TET3: variants seen among roughly 807,000 people sequenced by gnomAD.
TET3 encodes methylcytosine dioxygenase TET3.
A neutral mutation model predicts 141.4 loss-of-function variants in TET3; 19 were observed. That is an observed-to-expected ratio of 0.13 (90% CI 0.09 to 0.20). The LOEUF (loss-of-function observed/expected upper bound fraction) is 0.20. Ranked by LOEUF, TET3 falls within the 10% of genes least tolerant of loss-of-function variation. TET3 has a pLI of 1.00. For missense variants in TET3, 1,874 were observed against 2,356.9 expected, an observed-to-expected ratio of 0.80 and a Z score of 4.24; for synonymous variants, 1,043 against 980.9, an observed-to-expected ratio of 1.06 and a Z score of -1.18.
chr2:74,040,541 A>G (rs1687287564), intron 3 of TET3, among the ~76,000 whole-genome samples: 1 of 152,168 alleles, frequency 6.6e-6, no homozygotes. Flanking sequence ...GTTTTAGACA[A>G]GCTGACTCTC....
chr2:74,124,549 G>A, the TET3 span, among the ~76,000 whole-genome samples: 1 of 152,236 alleles, frequency 6.6e-6, no homozygotes, highest in Non-Finnish European at 1.5e-5. Flanking sequence ...GTAGAAAGTA[G>A]ACATGGGAGA....
intron 3 of TET3, among the ~76,000 whole-genome samples, chr2:74,021,697 G>A (rs974742803): frequency 6.6e-6 from 1 of 152,124 alleles, no homozygotes; most frequent in Non-Finnish European, 1.5e-5. Context: ...GTGGGACCTG[G>A]GAATCTGCAT....
chr2:74,059,712 A>G (rs958304701), intron 4 of TET3, among the ~76,000 whole-genome samples: 1 of 151,956 alleles, frequency 6.6e-6, no homozygotes, highest in South Asian at 2.1e-4. Context: ...GTGCCTGGCT[A>G]ATTTGTAAAT....
intron 2 of TET3, chr2:73,998,400 C>G (rs1684698176): frequency 6.6e-6 from 1 of 152,360 alleles, no homozygotes. Flanking sequence ...GCCTGGGAGG[C>G]CCTGGATGCA....
chr2:74,020,355 T>C (rs948594169), intron 3 of TET3, among the ~76,000 whole-genome samples: 2 of 152,186 alleles, frequency 1.3e-5, no homozygotes, highest in Admixed American at 6.5e-5. Context: ...AGCTATTCTT[T>C]GTATTTTTTT....
the TET3 span, among the ~76,000 whole-genome samples, chr2:74,127,555 G>T: frequency 3.9e-5 from 6 of 152,092 alleles, no homozygotes; most frequent in South Asian, 1.2e-3. Context: ...TTAAAATCCA[G>T]CCATCCTATA....
the TET3 span, among the ~76,000 whole-genome samples, chr2:74,114,636 G>C: frequency 6.6e-6 from 1 of 151,912 alleles, no homozygotes; most frequent in Non-Finnish European, 1.5e-5. Context: ...TAGATGACTT[G>C]AGGTCAGGAG....
chr2:74,104,836 G>A lies in TET3; in HGVS notation c.*2660G>A, dbSNP rs1043160211. ...TCATCAGTTTCTGCAGTAGGAGATA[G>A]GCTGCTGAGAGGTGAGTCAAGAGGC... On this transcript the variant is annotated 3_prime_UTR_variant, in exon 12 of 12. Coordinates refer to ENST00000409262, the MANE Select transcript of TET3 (RefSeq NM_001287491.2). 1.3e-5 allele frequency: 3 copies of A among 232,642 alleles called. No individual in the cohort carries two copies. The highest frequency in any genetic ancestry group is 2.2e-5 in the African/African-American group (1 of 44,624). 14.4% of individuals were successfully genotyped at this position (232,642 alleles called of 1,614,324 possible). A position where few individuals can be genotyped will look rare whatever the true frequency, so the allele number is the denominator to read the frequency against.
chr2:74,014,726 A>G (rs951376362), intron 3 of TET3, among the ~76,000 whole-genome samples: 6 of 152,156 alleles, frequency 3.9e-5, no homozygotes, highest in African/African-American at 9.7e-5. Flanking sequence ...AAAAAAACTG[A>G]GACTTTGACC....
At chr2:74,061,413 G>A (rs1331378574) in intron 4 of TET3, among the ~76,000 whole-genome samples, 2 of 146,374 alleles carry the variant, frequency 1.4e-5, no homozygotes, top group African/African-American at 2.5e-5. Context: ...CTGGCAGGGC[G>A]GGGGGCTGAC....
the TET3 span, among the ~76,000 whole-genome samples, chr2:74,126,913 C>A: frequency 2.6e-5 from 4 of 152,114 alleles, no homozygotes; most frequent in African/African-American, 9.7e-5. Flanking sequence ...AATCTGGCCA[C>A]GTAGGAATTA....
rs139917736 is a variant in TET3 at position 74,065,349 on chromosome 2, C to T, written c.2495-8200C>T. Among the ~76,000 whole-genome samples, 282 of 152,254 alleles carry T rather than the reference C, an allele frequency of 1.9e-3. 1 individual carries two copies. The highest frequency in any genetic ancestry group is 3.0e-3 in the Non-Finnish European group (206 of 68,020). On this transcript the variant is annotated intron_variant, in intron 4 of 11. Transcript: ENST00000409262. ...TTAATGAGTTTTAGTTACAGTCATT[C>T]TTCTTGCTCAGATTGTCCCAAATTT... is the stretch of plus-strand genomic sequence containing the variant.
intron 3 of TET3, among the ~76,000 whole-genome samples, chr2:74,030,409 T>C (rs1260435877): frequency 6.6e-6 from 1 of 152,232 alleles, no homozygotes; most frequent in Non-Finnish European, 1.5e-5. Context: ...TATAATACTC[T>C]GTTGAATTGT....
chr2:74,054,027 A>G (rs1390628207), intron 4 of TET3, among the ~76,000 whole-genome samples: 2 of 152,180 alleles, frequency 1.3e-5, no homozygotes, highest in Non-Finnish European at 1.5e-5. Flanking sequence ...TTAATAGAGG[A>G]ACAGGGAGAA....
In TET3 at chr2:74,092,890, C is replaced by G; in HGVS notation, c.3040-12C>G. 6.3e-7 allele frequency: 1 copy of G among 1,578,032 alleles called. No homozygotes were observed. The highest frequency in any genetic ancestry group is 8.6e-7 in the Non-Finnish European group (1 of 1,161,904). The stretch of plus-strand genomic sequence containing the variant: ...GGCTGCTCTGGATGTGTGACTGCCC[C>G]TCTCTCTGCAGGAAGAAGTGCTCCG... On this transcript the variant is annotated splice_polypyrimidine_tract_variant and intron_variant, in intron 8 of 11. Coordinates refer to ENST00000409262, the MANE Select transcript of TET3 (RefSeq NM_001287491.2).
At chr2:74,095,153 C>G (rs1195061602) in intron 10 of TET3, among the ~76,000 whole-genome samples, 3 of 152,144 alleles carry the variant, frequency 2.0e-5, no homozygotes, top group Non-Finnish European at 4.4e-5. Flanking sequence ...AAAGAGGGCT[C>G]CCAGATTCCG....
intron 2 of TET3, among the ~76,000 whole-genome samples, chr2:73,987,828 T>C (rs1684120638): frequency 6.6e-6 from 1 of 152,130 alleles, no homozygotes. Flanking sequence ...AGGACTCGGG[T>C]CCCTGTGGCT....
At chr2:74,113,075 GC>G (rs1691744392), downstream of TET3, among the ~76,000 whole-genome samples, 1 of 135,656 alleles carries the variant, frequency 7.4e-6, no homozygotes, top group Non-Finnish European at 1.6e-5. Context: ...AAAGCTGAAA[GC>G]TTTTCCTCTG....
intron 3 of TET3, among the ~76,000 whole-genome samples, chr2:74,015,953 A>T (rs1296572439): frequency 6.6e-6 from 1 of 152,146 alleles, no homozygotes; most frequent in East Asian, 1.9e-4. Context: ...TATTCTGTGT[A>T]TTACCTATGT....
Sources: gnomAD v4.1 joint callset for allele counts (sites outside exome capture counted in the v4.1 genomes callset) on GRCh38, gnomAD v4.1.1 for gene constraint, MANE v1.5 for transcripts, NCBI Gene and HGNC (gene_info 2026-07-23, HGNC 2026-07-21) for gene names.